RANBP2: variants seen among roughly 807,000 people sequenced by gnomAD.
RANBP2 encodes E3 SUMO-protein ligase RanBP2.
RANBP2 carries 57 observed loss-of-function variants against 303.6 expected under a neutral mutation model. The ratio of observed to expected loss-of-function variants is 0.19; its 90% CI spans 0.15 to 0.23. The LOEUF (loss-of-function observed/expected upper bound fraction) is 0.23, where lower values mean the gene tolerates loss of function less well. RANBP2 is among the 10% of genes least tolerant of loss of function. The probability of loss-of-function intolerance (pLI) is 1.00; values close to 1 mark genes in which losing one functional copy is unlikely to be tolerated. For synonymous variants in RANBP2, 1,167 were observed against 1,301.5 expected (o/e 0.90, Z 2.23); for missense variants, 3,138 against 3,780.8 (o/e 0.83, Z 4.46).
the RANBP2 span, among the ~76,000 whole-genome samples, chr2:109,006,568 T>C: frequency 1.8e-4 from 27 of 152,186 alleles, no homozygotes; most frequent in African/African-American, 6.5e-4. Flanking sequence ...AAAATACACT[T>C]GCGAGTCGTG....
the RANBP2 span, among the ~76,000 whole-genome samples, chr2:109,636,034 G>GC: frequency 6.6e-6 from 1 of 152,188 alleles, no homozygotes; most frequent in Non-Finnish European, 1.5e-5. Flanking sequence ...TACAGAAGAG[G>GC]CCCCGAGAGC....
the RANBP2 span, among the ~76,000 whole-genome samples, chr2:109,108,282 G>A: frequency 1.3e-5 from 2 of 151,836 alleles, no homozygotes; most frequent in South Asian, 2.1e-4. Flanking sequence ...CTCGTTATCC[G>A]CCTGCCTCAG....
the RANBP2 span, among the ~76,000 whole-genome samples, chr2:109,013,359 A>G: frequency 6.6e-6 from 1 of 152,208 alleles, no homozygotes; most frequent in Non-Finnish European, 1.5e-5. Context: ...TATTGTCAGC[A>G]TAGGAAGCAT....
the RANBP2 span, among the ~76,000 whole-genome samples, chr2:109,643,016 A>AT: frequency 1.3e-5 from 2 of 151,644 alleles, no homozygotes; most frequent in South Asian, 2.1e-4. Context: ...CTCTACTAAA[A>AT]TTTTTTTTTA....
the RANBP2 span, among the ~76,000 whole-genome samples, chr2:109,441,083 T>C: frequency 1.3e-5 from 2 of 150,152 alleles, no homozygotes; most frequent in Admixed American, 1.3e-4. Context: ...CTATTTCTGA[T>C]TAATTTATCT....
chr2:109,491,055 C>G, the RANBP2 span: 14 of 953,232 alleles, frequency 1.5e-5, no homozygotes, highest in Non-Finnish European at 1.9e-5. Flanking sequence ...CCAGATGTAC[C>G]TCAACACCCA....
the RANBP2 span, chr2:109,436,945 C>T: frequency 1.2e-6 from 2 of 1,613,704 alleles, no homozygotes; most frequent in African/African-American, 1.3e-5. Context: ...CGGAGGGTCT[C>T]CACTGGCCAA....
At chr2:108,776,063 T>TTAG (rs967371240) in intron 24 of RANBP2, 127 bp downstream of exon 24, 9 of 713,422 alleles carry the variant, frequency 1.3e-5, no homozygotes, top group African/African-American at 8.9e-5. Context: ...AAGGGGCATC[T>TTAG]TAGTAGTAGT....
the RANBP2 span, among the ~76,000 whole-genome samples, chr2:109,201,527 G>A: frequency 8.5e-5 from 13 of 152,126 alleles, no homozygotes; most frequent in Non-Finnish European, 1.6e-4. Context: ...TCTCCTGCTA[G>A]GGTCTCCCCT....
chr2:109,362,919 T>C, the RANBP2 span, among the ~76,000 whole-genome samples: 1 of 152,206 alleles, frequency 6.6e-6, no homozygotes, highest in Non-Finnish European at 1.5e-5. Context: ...TATCTCTTTC[T>C]TCATTGATTT....
chr2:109,436,830 G>A, the RANBP2 span: 2 of 1,563,758 alleles, frequency 1.3e-6, no homozygotes, highest in South Asian at 2.4e-5. Flanking sequence ...CTCTGCCAGA[G>A]GCCCACATGG....
At chr2:109,660,163 C>T in the RANBP2 span, among the ~76,000 whole-genome samples, 1 of 152,200 alleles carries the variant, frequency 6.6e-6, no homozygotes, top group African/African-American at 2.4e-5. Flanking sequence ...ATGGAACGTT[C>T]CTCTGATTTT....
At chr2:109,140,585 G>GT in the RANBP2 span, among the ~76,000 whole-genome samples, 9 of 152,188 alleles carry the variant, frequency 5.9e-5, no homozygotes, top group African/African-American at 2.2e-4. Context: ...GTTTCACCAT[G>GT]TTAACCAGGA....
chr2:108,774,260 G>C (rs185228583), intron 23 of RANBP2, among the ~76,000 whole-genome samples: 1 of 152,182 alleles, frequency 6.6e-6, no homozygotes, highest in Non-Finnish European at 1.5e-5. Context: ...ATATTTATCA[G>C]GATACTAGTA....
At chr2:109,122,445 C>A in the RANBP2 span, among the ~76,000 whole-genome samples, 2 of 152,238 alleles carry the variant, frequency 1.3e-5, no homozygotes, top group African/African-American at 4.8e-5. Flanking sequence ...TTGCTGAGGA[C>A]TGCCCCTGGT....
the RANBP2 span, among the ~76,000 whole-genome samples, chr2:108,969,138 G>A: frequency 6.6e-6 from 1 of 152,156 alleles, no homozygotes; most frequent in African/African-American, 2.4e-5. Context: ...CAACAAGGGT[G>A]ATGAAGAAAG....
the RANBP2 span, among the ~76,000 whole-genome samples, chr2:108,925,683 T>C: frequency 1.3e-5 from 2 of 152,140 alleles, no homozygotes; most frequent in East Asian, 3.9e-4. Context: ...AGAGAAGCAA[T>C]CTTGGCTCAC....
At chr2:108,878,688 A>G in the RANBP2 span, among the ~76,000 whole-genome samples, 1 of 152,222 alleles carries the variant, frequency 6.6e-6, no homozygotes. Flanking sequence ...GGGAAAAGCA[A>G]TATGTTAGTA....
chr2:108,915,614 A>G, the RANBP2 span, among the ~76,000 whole-genome samples: 1 of 152,214 alleles, frequency 6.6e-6, no homozygotes, highest in Non-Finnish European at 1.5e-5. Flanking sequence ...TTAGGGAAAG[A>G]GCTGCCCAGG....
Sources: allele counts gnomAD v4.1 joint callset (sites outside exome capture counted in the v4.1 genomes callset), GRCh38; gene constraint gnomAD v4.1.1; transcripts MANE v1.5; gene names NCBI Gene and HGNC (gene_info 2026-07-23, HGNC 2026-07-21).